Variants in PARD3 observed in about 807,000 individuals in gnomAD.
The protein encoded by PARD3 is partitioning defective 3 homolog.
PARD3 carries 75 observed loss-of-function variants against 155.4 expected under a neutral mutation model. That is an observed-to-expected ratio of 0.48 (90% CI 0.40 to 0.58). The LOEUF (loss-of-function observed/expected upper bound fraction) is 0.58, where lower values mean the gene tolerates loss of function less well. Among genes scored for constraint, PARD3 ranks in the 20% least tolerant of loss-of-function variants. The pLI is 0.00. For missense variants in PARD3, 1,642 were observed against 1,721.7 expected, an observed-to-expected ratio of 0.95 and a Z score of 0.82; for synonymous variants, 576 against 610.5, an observed-to-expected ratio of 0.94 and a Z score of 0.83.
intron 5 of PARD3, among the ~76,000 whole-genome samples, chr10:34,449,465 G>C (rs1352042285): frequency 7.7e-6 from 1 of 130,430 alleles, no homozygotes; most frequent in Non-Finnish European, 1.6e-5. Context: ...GTGGGGGGAG[G>C]GGGGAGGGAA....
At chr10:34,130,883 A>C (rs1030858186) in intron 23 of PARD3, among the ~76,000 whole-genome samples, 27 of 152,182 alleles carry the variant, frequency 1.8e-4, no homozygotes, top group Non-Finnish European at 3.7e-4. Flanking sequence ...CAACATAGTG[A>C]GACTCAGTCT....
At chr10:34,473,435 C>T (rs1326530835) in intron 3 of PARD3, among the ~76,000 whole-genome samples, 2 of 151,948 alleles carry the variant, frequency 1.3e-5, no homozygotes, top group East Asian at 3.9e-4. Context: ...ACCTATAATC[C>T]CAGCACCTTG....
At chr10:34,496,627 A>C (rs986214310) in intron 3 of PARD3, among the ~76,000 whole-genome samples, 1 of 152,242 alleles carries the variant, frequency 6.6e-6, no homozygotes, top group Admixed American at 6.5e-5. Context: ...AGCGAAGTCA[A>C]GACAGGAGGA....
At chr10:34,245,192 A>C (rs1477720369) in intron 22 of PARD3, among the ~76,000 whole-genome samples, 3 of 152,184 alleles carry the variant, frequency 2.0e-5, no homozygotes, top group Non-Finnish European at 4.4e-5. Flanking sequence ...ATTCCAACTA[A>C]AAGTACTAAA....
chr10:34,491,351 G>T (rs1366289285), intron 3 of PARD3, among the ~76,000 whole-genome samples: 4 of 152,158 alleles, frequency 2.6e-5, no homozygotes, highest in East Asian at 3.8e-4. Context: ...ACTCAGAAAA[G>T]ATCTGAGGGA....
chr10:34,143,050 G>A (rs1294250085), intron 22 of PARD3, among the ~76,000 whole-genome samples: 2 of 152,138 alleles, frequency 1.3e-5, no homozygotes, highest in Non-Finnish European at 2.9e-5. Flanking sequence ...GGCTGGGGGC[G>A]GTGGCTTATG....
In PARD3 at chr10:34,269,759, G is replaced by A. The variant is rs1195115592; in HGVS notation, c.3317C>T (p.Ala1106Val). The change falls in exon 22 of 25, where the codon GCT becomes GTT. Residue 1106 changes from alanine (A) to valine (V), a missense_variant. Physicochemically the swap from Ala to Val is moderately conservative, Grantham distance 64. Around this residue, in one of 3 missense-constraint regions of PARD3, gnomAD observed 1,529 missense variants for 1,587.3 expected, o/e 0.96. Transcript: ENST00000374788. ...GGVSSYEGSMALNARPQSPRE... is the reference protein window; with the variant it reads ...GGVSSYEGSMVLNARPQSPRE... Reference sequence around the variant, plus strand: ...TGGGCTCTGAGGTCTAGCGTTGAGAGCCATGGAACCTTCATAAGAAGAAAC... The same window carrying A: ...TGGGCTCTGAGGTCTAGCGTTGAGAACCATGGAACCTTCATAAGAAGAAAC... The A allele has an allele frequency of 6.2e-7, 1 of 1,613,976 alleles. No individual in the cohort carries two copies. The highest frequency in any genetic ancestry group is 8.5e-7 in the Non-Finnish European group (1 of 1,179,974).
intron 1 of PARD3, among the ~76,000 whole-genome samples, chr10:34,774,891 A>G (rs1839345444): frequency 1.3e-5 from 2 of 152,222 alleles, no homozygotes; most frequent in Non-Finnish European, 2.9e-5. Flanking sequence ...TCATTTACAG[A>G]TACCAAATTT....
chr10:34,493,990 T>C (rs991166678), intron 3 of PARD3, among the ~76,000 whole-genome samples: 7 of 152,186 alleles, frequency 4.6e-5, no homozygotes, highest in African/African-American at 1.7e-4. Flanking sequence ...AATACTCATA[T>C]TTACACCATG....
chr10:34,303,067 TTTAAAAA>T (rs1269276434), intron 20 of PARD3, among the ~76,000 whole-genome samples: 35 of 142,550 alleles, frequency 2.5e-4, no homozygotes, highest in African/African-American at 9.0e-4. Context: ...AAAACCAAGT[TTTAAAAA>T]AAAAAAAAAT....
At chr10:34,297,473 G>A (rs556032980) in intron 20 of PARD3, among the ~76,000 whole-genome samples, 6 of 152,250 alleles carry the variant, frequency 3.9e-5, no homozygotes, top group Non-Finnish European at 8.8e-5. Flanking sequence ...GCACACTGCT[G>A]GCAGAAATCA....
chr10:34,510,768 T>G (rs1279428168), intron 3 of PARD3, among the ~76,000 whole-genome samples: 1 of 152,148 alleles, frequency 6.6e-6, no homozygotes, highest in Non-Finnish European at 1.5e-5. Flanking sequence ...ATACTGAATC[T>G]TTAGGTAACC....
intron 22 of PARD3, among the ~76,000 whole-genome samples, chr10:34,161,610 C>CT (rs1480536296): frequency 1.1e-4 from 17 of 152,166 alleles, no homozygotes; most frequent in African/African-American, 3.9e-4. Context: ...CTAAATGACA[C>CT]TTCCACCAGC....
At chr10:34,784,585 C>T (rs567651815) in intron 1 of PARD3, among the ~76,000 whole-genome samples, 3 of 152,146 alleles carry the variant, frequency 2.0e-5, no homozygotes, top group South Asian at 2.1e-4. Flanking sequence ...TACAGGCACA[C>T]GCCACCATGC....
chr10:34,496,345 TTC>T, intron 3 of PARD3, among the ~76,000 whole-genome samples: 1 of 152,168 alleles, frequency 6.6e-6, no homozygotes, highest in Non-Finnish European at 1.5e-5. Flanking sequence ...AAGGAAAAGT[TTC>T]TGTTTATAGA....
At chr10:34,282,123 C>T (rs2804545) in intron 21 of PARD3, among the ~76,000 whole-genome samples, 99,245 of 147,932 alleles carry the variant, frequency 0.67, 35,177 homozygotes, top group African/African-American at 0.88. Context: ...CCTACTCCAC[C>T]TCCTAGTTCA....
chr10:34,449,453 A>C (rs1249676496), intron 5 of PARD3, among the ~76,000 whole-genome samples: 1 of 80,324 alleles, frequency 1.2e-5, no homozygotes, highest in Non-Finnish European at 2.5e-5. Flanking sequence ...AACTCATTGG[A>C]GGTGGGGGGA....
intron 2 of PARD3, among the ~76,000 whole-genome samples, chr10:34,596,220 C>A (rs1457938011): frequency 6.8e-6 from 1 of 147,642 alleles, no homozygotes; most frequent in Non-Finnish European, 1.5e-5. Context: ...CAATATCCAT[C>A]AAATCCAAAT....
intron 5 of PARD3, among the ~76,000 whole-genome samples, chr10:34,429,902 A>AT (rs1264976628): frequency 6.6e-6 from 1 of 151,806 alleles, no homozygotes; most frequent in Non-Finnish European, 1.5e-5. Context: ...GTTATTTTTA[A>AT]TTTTTTTTGT....
Sources: gnomAD v4.1 joint callset for allele counts (sites outside exome capture counted in the v4.1 genomes callset) on GRCh38, gnomAD v4.1.1 for gene constraint, gnomAD v4.1.1 regional missense constraint, MANE v1.5 for transcripts, NCBI Gene and HGNC (gene_info 2026-07-23, HGNC 2026-07-21) for gene names.